Variants in ALK observed in about 807,000 individuals in gnomAD.
ALK encodes ALK receptor tyrosine kinase.
A neutral mutation model predicts 163.1 loss-of-function variants in ALK; 74 were observed. That is an observed-to-expected ratio of 0.45 (90% CI 0.38 to 0.55). The LOEUF (loss-of-function observed/expected upper bound fraction) is 0.55. Among genes scored for constraint, ALK ranks in the 20% least tolerant of loss-of-function variants. The pLI is 0.00. For synonymous variants in ALK, 960 were observed against 843.2 expected (o/e 1.14, Z -2.40); for missense variants, 2,063 against 2,105.3 (o/e 0.98, Z 0.39).
At chr2:29,903,980 A>T (rs116338987) in intron 1 of ALK, among the ~76,000 whole-genome samples, 37 of 152,324 alleles carry the variant, frequency 2.4e-4, no homozygotes, top group African/African-American at 8.7e-4. Context: ...TTACAGAAAC[A>T]AAGACTCAGG....
At chr2:29,524,701 T>A (rs1052376809) in intron 4 of ALK, among the ~76,000 whole-genome samples, 7 of 152,216 alleles carry the variant, frequency 4.6e-5, no homozygotes, top group Non-Finnish European at 1.0e-4. Flanking sequence ...GTTGTTAACC[T>A]GGGACCTAGA....
intron 4 of ALK, among the ~76,000 whole-genome samples, chr2:29,427,104 G>A (rs1670163122): frequency 6.7e-6 from 1 of 149,552 alleles, no homozygotes; most frequent in East Asian, 2.0e-4. Context: ...GTATTGCTGG[G>A]CCTAAAATAA....
chr2:29,382,714 T>C (rs1268342926), intron 5 of ALK, among the ~76,000 whole-genome samples: 3 of 152,226 alleles, frequency 2.0e-5, no homozygotes, highest in African/African-American at 4.8e-5. Context: ...GCTCCTGGCT[T>C]GCTCCCAAGC....
Position 29,225,451 on chromosome 2 carries a change from G to C in ALK, c.3172+10C>G, listed in dbSNP as rs1573128671. The C allele has an allele frequency of 4.4e-6, 7 of 1,608,430 alleles. No individual in the cohort carries two copies. The highest frequency in any genetic ancestry group is 5.9e-6 in the Non-Finnish European group (7 of 1,176,856). On this transcript the variant is annotated intron_variant, in intron 19 of 28. Transcript: ENST00000389048. ...CCCCCTTGGGAGTCCCTGGGGCTCT[G>C]TGCACTCACCAATCATGATGCCGGA...
intron 19 of ALK, among the ~76,000 whole-genome samples, chr2:29,224,242 G>A (rs4387740): frequency 0.7 from 105,930 of 151,922 alleles, 37,359 homozygotes; most frequent in South Asian, 0.81. Flanking sequence ...AAAGATCTCT[G>A]AATTGGTGTC....
chr2:29,846,860 C>T (rs1175933955), intron 1 of ALK, among the ~76,000 whole-genome samples: 1 of 152,144 alleles, frequency 6.6e-6, no homozygotes, highest in African/African-American at 2.4e-5. Flanking sequence ...TATTATTATT[C>T]CCATTTTACA....
At chr2:29,266,857 A>G (rs1012720665) in intron 11 of ALK, among the ~76,000 whole-genome samples, 1 of 152,210 alleles carries the variant, frequency 6.6e-6, no homozygotes, top group Non-Finnish European at 1.5e-5. Flanking sequence ...CTGGGCTCCC[A>G]GAGCTTCCTG....
intron 4 of ALK, among the ~76,000 whole-genome samples, chr2:29,524,308 CA>C (rs1672896058): frequency 1.3e-5 from 2 of 152,126 alleles, no homozygotes; most frequent in African/African-American, 4.8e-5. Context: ...ATTAGATGAC[CA>C]AATTTCAGAG....
chr2:29,203,411 T>G (rs925949644), intron 26 of ALK, among the ~76,000 whole-genome samples: 1 of 125,660 alleles, frequency 8.0e-6, no homozygotes, highest in African/African-American at 3.5e-5. Context: ...TCTCTATTAT[T>G]TTTTACTATT....
intron 1 of ALK, among the ~76,000 whole-genome samples, chr2:29,768,719 G>A (rs996349434): frequency 1.4e-4 from 20 of 140,590 alleles, no homozygotes; most frequent in South Asian, 4.6e-4. Context: ...ATGTCTGTGT[G>A]TGTGTGTGTG....
intron 11 of ALK, among the ~76,000 whole-genome samples, chr2:29,257,053 G>C (rs1457537529): frequency 6.6e-6 from 1 of 152,148 alleles, no homozygotes; most frequent in African/African-American, 2.4e-5. Context: ...ATGCTGAGCA[G>C]ACAATCTAAA....
At chr2:29,909,390 T>C (rs1667637358) in intron 1 of ALK, among the ~76,000 whole-genome samples, 1 of 151,904 alleles carries the variant, frequency 6.6e-6, no homozygotes, top group South Asian at 2.1e-4. Flanking sequence ...GATTGGTGTC[T>C]AGAAAGGCTG....
At chr2:29,889,494 TTAAA>T (rs1482238324) in intron 1 of ALK, among the ~76,000 whole-genome samples, 2 of 151,766 alleles carry the variant, frequency 1.3e-5, no homozygotes, top group African/African-American at 2.4e-5. Context: ...ACTTTTTCCT[TTAAA>T]TAATAGATGG....
intron 3 of ALK, among the ~76,000 whole-genome samples, chr2:29,679,073 T>C (rs1007304884): frequency 1.3e-5 from 2 of 151,954 alleles, no homozygotes; most frequent in Admixed American, 1.3e-4. Flanking sequence ...CATACATTTA[T>C]AATTGTTATC....
chr2:29,743,578 C>G (rs764477177), intron 1 of ALK, among the ~76,000 whole-genome samples: 19 of 152,324 alleles, frequency 1.2e-4, no homozygotes, highest in Non-Finnish European at 1.9e-4. Context: ...TCCTGTTTGA[C>G]GTGGAGCCTG....
intron 1 of ALK, among the ~76,000 whole-genome samples, chr2:29,745,990 T>C (rs1680198828): frequency 6.6e-6 from 1 of 152,228 alleles, no homozygotes; most frequent in Admixed American, 6.5e-5. Flanking sequence ...GCAATCTTAA[T>C]GAGGCACTTA....
intron 4 of ALK, among the ~76,000 whole-genome samples, chr2:29,526,721 A>G (rs989194751): frequency 6.6e-6 from 1 of 152,212 alleles, no homozygotes; most frequent in African/African-American, 2.4e-5. Flanking sequence ...ACTTTTGACC[A>G]TGGAGGCTGA....
At chr2:29,297,599 C>T (rs1666233602) in intron 8 of ALK, among the ~76,000 whole-genome samples, 1 of 152,212 alleles carries the variant, frequency 6.6e-6, no homozygotes, top group African/African-American at 2.4e-5. Context: ...CACCTGTGGC[C>T]ACTGGCAGGC....
intron 11 of ALK, among the ~76,000 whole-genome samples, chr2:29,265,129 C>T (rs915784392): frequency 5.3e-5 from 8 of 152,116 alleles, no homozygotes; most frequent in Non-Finnish European, 7.3e-5. Flanking sequence ...AAGTGATTCT[C>T]GTGCCTTGGC....
Sources: allele counts gnomAD v4.1 joint callset (sites outside exome capture counted in the v4.1 genomes callset), GRCh38; gene constraint gnomAD v4.1.1; transcripts MANE v1.5; gene names NCBI Gene and HGNC (gene_info 2026-07-23, HGNC 2026-07-21).